Variants in RYR3 observed in about 807,000 individuals in gnomAD.
The protein encoded by RYR3 is ryanodine receptor 3.
A neutral mutation model predicts 584.3 loss-of-function variants in RYR3; 207 were observed. The observed-to-expected ratio is 0.35, with a 90% CI of 0.32 to 0.40. RYR3 has a LOEUF of 0.40. RYR3 is among the 10% of genes least tolerant of loss of function. The pLI, the probability that RYR3 is intolerant of heterozygous loss-of-function variation, is 1.00. For synonymous variants in RYR3, 2,416 were observed against 2,248.5 expected (o/e 1.07, Z -2.11); for missense variants, 5,616 against 6,089.2 (o/e 0.92, Z 2.59).
At chr15:33,317,831 C>T (rs1016398160) in intron 1 of RYR3, among the ~76,000 whole-genome samples, 3 of 152,092 alleles carry the variant, frequency 2.0e-5, no homozygotes, top group Non-Finnish European at 2.9e-5. Context: ...GGGCTATTGT[C>T]CTTTGAGGTG....
At chr15:33,825,823 CCTG>C in intron 82 of RYR3, 147 bp downstream of exon 82, 2 of 569,424 alleles carry the variant, frequency 3.5e-6, no homozygotes, top group African/African-American at 3.9e-5. Flanking sequence ...ACCTCTGTCT[CCTG>C]GGTTCAAGCA....
chr15:33,723,067 A>G (rs1480328945), intron 44 of RYR3, among the ~76,000 whole-genome samples, 172 bp downstream of exon 44: 1 of 152,254 alleles, frequency 6.6e-6, no homozygotes, highest in Non-Finnish European at 1.5e-5. Flanking sequence ...CAGTAAGGCT[A>G]GTGATCAGCA....
At chr15:33,439,574 A>G (rs2046043249) in intron 1 of RYR3, among the ~76,000 whole-genome samples, 1 of 152,226 alleles carries the variant, frequency 6.6e-6, no homozygotes, top group African/African-American at 2.4e-5. Flanking sequence ...TTAATCTCAT[A>G]AAATTAGTTA....
chr15:33,671,372 C>T (rs940289082), intron 38 of RYR3, among the ~76,000 whole-genome samples: 5 of 152,176 alleles, frequency 3.3e-5, no homozygotes, highest in African/African-American at 7.2e-5. Context: ...TCTTGGAACA[C>T]CCTTTCAAAT....
Position 33,771,928 on chromosome 15 carries a change from T to C in RYR3, c.8825T>C (p.Met2942Thr). 1 of 1,610,542 alleles carries C rather than the reference T, an allele frequency of 6.2e-7. No individual in the cohort carries two copies. Among genetic ancestry groups the C allele is most frequent in the Non-Finnish European group, 8.5e-7 (1 of 1,178,062 alleles). ...LAQTLDTRTV[M>T]KSGSELVKAG... Reference sequence around the variant, plus strand: ...ACATTGTTTGCTTGCAGGACTGTCATGAAGTCAGGCTCAGAGCTGGTGAAG... The same window carrying C: ...ACATTGTTTGCTTGCAGGACTGTCACGAAGTCAGGCTCAGAGCTGGTGAAG... Residue 2942 changes from methionine (M) to threonine (T), a missense_variant, in exon 63 of 104, where the codon ATG becomes ACG. Physicochemically the swap from Met to Thr is moderately conservative, Grantham distance 81. This residue lies in a region of RYR3 where 1,280 missense variants were observed against 1,426.2 expected (regional missense o/e 0.90). Transcript: ENST00000634891.
Position 33,311,480 on chromosome 15 carries a change from G to A in RYR3, c.51+384G>A, listed in dbSNP as rs1967272181. Among the ~76,000 whole-genome samples, 1 of 152,168 alleles carries A rather than the reference G, an allele frequency of 6.6e-6. No individual in the cohort carries two copies. Among genetic ancestry groups the A allele is most frequent in the African/African-American group, 2.4e-5 (1 of 41,456 alleles). ...GCCCTCGCCCCGGGGTCGGCCCTCTGACACCTCCATACTCCACCCCAGCCC... is the reference window on the plus strand; with the variant it reads ...GCCCTCGCCCCGGGGTCGGCCCTCTAACACCTCCATACTCCACCCCAGCCC... On this transcript the variant is annotated intron_variant, in intron 1 of 103. Coordinates refer to ENST00000634891, the MANE Select transcript of RYR3 (RefSeq NM_001036.6). This position sits in a 1 kb window ranked among gnomAD's most constrained non-coding sequence, Gnocchi z 4.4.
chr15:33,797,081 TA>T (rs1185498942), intron 67 of RYR3, among the ~76,000 whole-genome samples: 1 of 152,176 alleles, frequency 6.6e-6, no homozygotes, highest in African/African-American at 2.4e-5. Context: ...GACTGTAGAA[TA>T]ATAGACATTG....
Position 33,731,528 on chromosome 15 carries a change from G to A in RYR3, c.7258G>A (p.Ala2420Thr), listed in dbSNP as rs1297240984. 1.2e-6 allele frequency: 2 copies of A among 1,613,678 alleles called. No homozygotes were observed. Among genetic ancestry groups the A allele is most frequent in the Non-Finnish European group, 1.7e-6 (2 of 1,179,830 alleles). ...TGCACTAAATAGGTATATATGTTCTGCTGTGCTCCCGCTCCTCACAAGATG... is the reference window on the plus strand; with the variant it reads ...TGCACTAAATAGGTATATATGTTCTACTGTGCTCCCGCTCCTCACAAGATG... The part of the protein sequence containing the change: ...ALALNRYICS[A>T]VLPLLTRCAP... The change falls in exon 48 of 104, where the codon GCT becomes ACT. Residue 2420 changes from alanine (A) to threonine (T), a missense_variant. Physicochemically the swap from Ala to Thr is moderately conservative, Grantham distance 58. Transcript: ENST00000634891.
chr15:33,748,582 C>A, intron 55 of RYR3, 52 bp downstream of exon 55: 1 of 1,447,578 alleles, frequency 6.9e-7, no homozygotes, highest in East Asian at 2.3e-5. Flanking sequence ...GACGCATTAC[C>A]TTCCAAAGAG....
intron 3 of RYR3, among the ~76,000 whole-genome samples, chr15:33,522,095 A>AT (rs1307286076): frequency 7.1e-6 from 1 of 141,462 alleles, no homozygotes; most frequent in Non-Finnish European, 1.6e-5. Context: ...CTCTACTTAA[A>AT]AAAAAAAAAA....
intron 18 of RYR3, among the ~76,000 whole-genome samples, chr15:33,604,480 A>G (rs1194270050): frequency 6.6e-6 from 1 of 152,110 alleles, no homozygotes; most frequent in Non-Finnish European, 1.5e-5. Context: ...CAGCTTCAAC[A>G]CTTTAAAACT....
chr15:33,357,061 T>G (rs1450999461), intron 1 of RYR3, among the ~76,000 whole-genome samples: 1 of 152,118 alleles, frequency 6.6e-6, no homozygotes, highest in Non-Finnish European at 1.5e-5. Flanking sequence ...CTCACCTGCT[T>G]TCCCTGCCTG....
At chr15:33,592,068 G>T (rs557898957) in intron 16 of RYR3, among the ~76,000 whole-genome samples, 1 of 152,332 alleles carries the variant, frequency 6.6e-6, no homozygotes, top group African/African-American at 2.4e-5. Flanking sequence ...TGTGGTATCA[G>T]TGATGAGAAT....
chr15:33,469,904 A>G (rs2048795677), intron 1 of RYR3, among the ~76,000 whole-genome samples: 1 of 152,202 alleles, frequency 6.6e-6, no homozygotes, highest in Non-Finnish European at 1.5e-5. Context: ...CGGGAGCACT[A>G]GAAGAATACA....
chr15:33,441,505 G>A (rs1261259739), intron 1 of RYR3, among the ~76,000 whole-genome samples: 1 of 152,126 alleles, frequency 6.6e-6, no homozygotes, highest in East Asian at 1.9e-4. Flanking sequence ...TGGGGAGTTG[G>A]GGGAGGCAGA....
chr15:33,699,954 A>T, intron 41 of RYR3, 121 bp downstream of exon 41: 2 of 956,802 alleles, frequency 2.1e-6, no homozygotes, highest in Non-Finnish European at 3.1e-6. Context: ...TAAATACTAG[A>T]AGAGACTCTG....
chr15:33,342,786 A>G (rs60123001), intron 1 of RYR3, among the ~76,000 whole-genome samples: 2,383 of 152,286 alleles, frequency 0.016, 67 homozygotes, highest in African/African-American at 0.055. Context: ...TCAGAGAATC[A>G]ATCTCAAAAC....
intron 42 of RYR3, among the ~76,000 whole-genome samples, chr15:33,703,116 C>T (rs1366957386): frequency 2.0e-5 from 3 of 152,246 alleles, no homozygotes; most frequent in East Asian, 1.9e-4. Context: ...AAAACCATGT[C>T]TGATCTATTA....
intron 72 of RYR3, among the ~76,000 whole-genome samples, chr15:33,811,377 C>T (rs935769636): frequency 1.1e-4 from 17 of 151,746 alleles, no homozygotes; most frequent in African/African-American, 2.2e-4. Flanking sequence ...TGGTGGCGGG[C>T]GCCTGTAGTC....
Sources: gnomAD v4.1 joint callset for allele counts (sites outside exome capture counted in the v4.1 genomes callset) on GRCh38, gnomAD v4.1.1 for gene constraint, gnomAD v4.1.1 regional missense constraint, Gnocchi (gnomAD v3.1) non-coding constraint, MANE v1.5 for transcripts, NCBI Gene and HGNC (gene_info 2026-07-23, HGNC 2026-07-21) for gene names.